The following LRRTM3 variants were observed in gnomAD, a reference collection of about 807,000 sequenced individuals.
The protein encoded by LRRTM3 is leucine rich repeat transmembrane neuronal 3, also known as leucine-rich repeat transmembrane neuronal protein 3.
In LRRTM3, 24 loss-of-function variants were observed where a neutral mutation model predicts 44.7. The observed-to-expected ratio is 0.54, with a 90% CI of 0.39 to 0.76. The LOEUF is 0.76. Among genes scored for constraint, LRRTM3 ranks in the 30% least tolerant of loss-of-function variants. The pLI is 0.00. For synonymous variants in LRRTM3, 277 were observed against 278.7 expected (o/e 0.99, Z 0.06); for missense variants, 587 against 702.2 (o/e 0.84, Z 1.85).
intron 2 of LRRTM3, among the ~76,000 whole-genome samples, chr10:67,015,065 A>C (rs528441674): frequency 1.3e-5 from 2 of 152,196 alleles, no homozygotes; most frequent in African/African-American, 4.8e-5. Flanking sequence ...AAATGGAAAA[A>C]CTTTAGGAGG....
chr10:66,984,180 A>G (rs1341377846), intron 2 of LRRTM3, among the ~76,000 whole-genome samples: 1 of 152,168 alleles, frequency 6.6e-6, no homozygotes, highest in Non-Finnish European at 1.5e-5. Context: ...AGTCAAGACA[A>G]TGTATTTACC....
intron 2 of LRRTM3, among the ~76,000 whole-genome samples, chr10:66,986,696 C>T (rs190199835): frequency 6.6e-6 from 1 of 152,212 alleles, no homozygotes; most frequent in East Asian, 1.9e-4. Flanking sequence ...TTTTACAACT[C>T]CATGGCTATC....
intron 2 of LRRTM3, among the ~76,000 whole-genome samples, chr10:66,969,363 C>T (rs1358183180): frequency 1.3e-5 from 2 of 151,914 alleles, no homozygotes; most frequent in Non-Finnish European, 2.9e-5. Flanking sequence ...TTTTAATGGC[C>T]TCATATCGTT....
chr10:67,019,316 C>G (rs1852847603), intron 2 of LRRTM3, among the ~76,000 whole-genome samples: 1 of 152,048 alleles, frequency 6.6e-6, no homozygotes. Flanking sequence ...CCTTCCGGGT[C>G]CAAGCGCTTC....
chr10:67,072,609 T>A (rs1856526485), intron 2 of LRRTM3, among the ~76,000 whole-genome samples: 1 of 152,170 alleles, frequency 6.6e-6, no homozygotes. Context: ...GCAGTTTTAG[T>A]GGAATGTAGT....
chr10:67,011,257 C>G (rs1852313766), intron 2 of LRRTM3, among the ~76,000 whole-genome samples: 2 of 150,856 alleles, frequency 1.3e-5, no homozygotes, highest in African/African-American at 4.9e-5. Flanking sequence ...AGGAGAATTG[C>G]TTGAACCCAG....
At chr10:66,993,619 T>G (rs1373579462) in intron 2 of LRRTM3, among the ~76,000 whole-genome samples, 1 of 151,802 alleles carries the variant, frequency 6.6e-6, no homozygotes, top group Non-Finnish European at 1.5e-5. Context: ...GATTTTTGAG[T>G]GAACTTTCAG....
At chr10:66,962,633 G>C (rs12252372) in intron 2 of LRRTM3, among the ~76,000 whole-genome samples, 1 of 151,644 alleles carries the variant, frequency 6.6e-6, no homozygotes. Flanking sequence ...GGATGTTCTC[G>C]ATCTCCTGAT....
At chr10:67,029,375 G>C (rs1325631431) in intron 2 of LRRTM3, among the ~76,000 whole-genome samples, 2 of 152,174 alleles carry the variant, frequency 1.3e-5, no homozygotes, top group Admixed American at 6.5e-5. Flanking sequence ...GTTCAGAGCA[G>C]GTTGATTGAT....
intron 2 of LRRTM3, among the ~76,000 whole-genome samples, chr10:67,088,289 G>T (rs10997499): frequency 3.3e-5 from 5 of 151,642 alleles, no homozygotes; most frequent in African/African-American, 9.7e-5. Flanking sequence ...TTCACTGAAG[G>T]AATGAGTGAA....
At chr10:66,988,391 G>A (rs1344176937) in intron 2 of LRRTM3, among the ~76,000 whole-genome samples, 2 of 152,090 alleles carry the variant, frequency 1.3e-5, no homozygotes, top group Non-Finnish European at 2.9e-5. Flanking sequence ...CCAATACAAT[G>A]ATTTTCTAGC....
intron 2 of LRRTM3, among the ~76,000 whole-genome samples, chr10:66,936,061 C>T (rs1847677876): frequency 6.6e-6 from 1 of 152,110 alleles, no homozygotes; most frequent in African/African-American, 2.4e-5. Flanking sequence ...CAGCCTATCT[C>T]ATGTCATTCA....
At chr10:66,963,886 A>G (rs916984891) in intron 2 of LRRTM3, among the ~76,000 whole-genome samples, 2 of 150,834 alleles carry the variant, frequency 1.3e-5, no homozygotes, top group African/African-American at 2.4e-5. Flanking sequence ...CTCTGTTGCC[A>G]GGCTGGAGTG....
rs943920052 is a variant in LRRTM3, at chr10:67,101,261, G to A, written c.*3465G>A. 6.6e-6 allele frequency among the ~76,000 whole-genome samples: 1 copy of A among 151,628 alleles called. No homozygotes were observed. The highest frequency in any genetic ancestry group is 1.5e-5 in the Non-Finnish European group (1 of 67,778). ...ACCAAAGACCTTCTAAATTGAGACT[G>A]CATAATTATAAAAGAGATCCATAGT... is the stretch of plus-strand genomic sequence containing the variant. On this transcript the variant is annotated 3_prime_UTR_variant, in exon 3 of 3. Transcript: ENST00000361320.
chr10:67,060,319 A>T (rs559349660), intron 2 of LRRTM3, among the ~76,000 whole-genome samples: 9 of 152,236 alleles, frequency 5.9e-5, no homozygotes, highest in African/African-American at 2.2e-4. Context: ...TCTCAAAGAA[A>T]AGTCTTTTTA....
At chr10:67,033,229 T>A (rs1174786400) in intron 2 of LRRTM3, among the ~76,000 whole-genome samples, 2 of 152,204 alleles carry the variant, frequency 1.3e-5, no homozygotes, top group African/African-American at 4.8e-5. Flanking sequence ...TCTATTTGTA[T>A]AAGGCTTTCT....
At chr10:67,025,961 A>C (rs1853353332) in intron 2 of LRRTM3, among the ~76,000 whole-genome samples, 1 of 151,082 alleles carries the variant, frequency 6.6e-6, no homozygotes, top group Non-Finnish European at 1.5e-5. Context: ...CTTTGTAGGG[A>C]CATGGATGAA....
intron 2 of LRRTM3, among the ~76,000 whole-genome samples, chr10:66,933,015 G>A (rs903489875): frequency 2.6e-5 from 4 of 152,162 alleles, no homozygotes; most frequent in Non-Finnish European, 5.9e-5. Context: ...ACACAGATGT[G>A]TACTATTGAC....
At chr10:66,989,563 C>T (rs1850928038) in intron 2 of LRRTM3, among the ~76,000 whole-genome samples, 2 of 152,038 alleles carry the variant, frequency 1.3e-5, no homozygotes, top group African/African-American at 2.4e-5. Flanking sequence ...ACTCAAATAT[C>T]CATGTTAGCT....
Sources: allele counts gnomAD v4.1 joint callset (sites outside exome capture counted in the v4.1 genomes callset), GRCh38; gene constraint gnomAD v4.1.1; transcripts MANE v1.5; gene names NCBI Gene and HGNC (gene_info 2026-07-23, HGNC 2026-07-21).